Variants in CSMD1 observed in about 807,000 individuals in gnomAD.
CSMD1 encodes the protein CUB and Sushi multiple domains 1.
A neutral mutation model predicts 417.5 loss-of-function variants in CSMD1; 213 were observed. The ratio of observed to expected loss-of-function variants is 0.51; its 90% confidence interval spans 0.46 to 0.57. CSMD1 has a LOEUF of 0.57. Ranked by LOEUF, CSMD1 falls within the 20% of genes least tolerant of loss-of-function variation. The pLI, the probability that CSMD1 is intolerant of heterozygous loss-of-function variation, is 0.00. For missense variants in CSMD1, 6,923 were observed against 4,529.7 expected (o/e 1.53, Z -15.17); for synonymous variants, 2,862 against 1,736.8 (o/e 1.65, Z -16.11).
chr8:4,011,008 G>T (rs1816496591), intron 4 of CSMD1, among the ~76,000 whole-genome samples: 2 of 152,186 alleles, frequency 1.3e-5, no homozygotes, highest in African/African-American at 4.8e-5. Context: ...GGGGATGACT[G>T]TTTCATGCCT....
chr8:3,526,184 T>C (rs1235007296), intron 10 of CSMD1, among the ~76,000 whole-genome samples: 3 of 152,212 alleles, frequency 2.0e-5, no homozygotes, highest in Admixed American at 2.0e-4. Context: ...ATCATATTTC[T>C]GACATTTTCT....
At chr8:3,412,155 C>T (rs181403724) in intron 12 of CSMD1, among the ~76,000 whole-genome samples, 1,523 of 125,028 alleles carry the variant, frequency 0.012, 73 homozygotes, top group African/African-American at 0.048. Flanking sequence ...TATATACACA[C>T]GTATATATAC....
Position 3,729,937 on chromosome 8 carries a change from A to C in CSMD1, c.932-21446T>G, listed in dbSNP as rs1332573946. Among the ~76,000 whole-genome samples the C allele has an allele frequency of 1.3e-3, 33 of 24,698 alleles. 2 individuals carry two copies. The highest frequency in any genetic ancestry group is 0.026 in the Middle Eastern group (1 of 38). 16.2% of individuals were successfully genotyped at this position (24,698 alleles called of 152,430 possible). A position where few individuals can be genotyped will look rare whatever the true frequency, so the allele number is the denominator to read the frequency against. On this transcript the variant is annotated intron_variant, in intron 6 of 69. Transcript: ENST00000635120. Reference sequence around the variant, plus strand: ...CAATTCAAAGTAAAAAAAAAAAAAAAAAAAAAAAAAAAAAAAAAAAAAAAC... The same window carrying C: ...CAATTCAAAGTAAAAAAAAAAAAAACAAAAAAAAAAAAAAAAAAAAAAAAC...
At chr8:4,851,752 G>C (rs1040594085) in intron 1 of CSMD1, among the ~76,000 whole-genome samples, 1 of 152,138 alleles carries the variant, frequency 6.6e-6, no homozygotes, top group African/African-American at 2.4e-5. Flanking sequence ...CTTCTTCAAA[G>C]ACAGGTCTAT....
chr8:4,441,958 G>A (rs904161525), intron 2 of CSMD1, among the ~76,000 whole-genome samples: 2 of 152,110 alleles, frequency 1.3e-5, no homozygotes, highest in Admixed American at 6.6e-5. Context: ...AGAAACTCAG[G>A]GGCCAAATGT....
At chr8:4,592,850 A>C (rs1800060795) in intron 2 of CSMD1, among the ~76,000 whole-genome samples, 1 of 152,184 alleles carries the variant, frequency 6.6e-6, no homozygotes, top group Non-Finnish European at 1.5e-5. Context: ...TATTGAAATG[A>C]ATTTCCATAT....
chr8:3,882,142 G>C (rs929650967), intron 5 of CSMD1, among the ~76,000 whole-genome samples: 5 of 151,690 alleles, frequency 3.3e-5, no homozygotes, highest in Admixed American at 2.0e-4. Flanking sequence ...ATCACAATTG[G>C]CTCCTCCACC....
At chr8:3,497,688 C>G (rs1212978083) in intron 10 of CSMD1, among the ~76,000 whole-genome samples, 1 of 152,186 alleles carries the variant, frequency 6.6e-6, no homozygotes, top group Non-Finnish European at 1.5e-5. Context: ...TATGCCTTTA[C>G]AGGTGCAGTG....
chr8:3,759,681 G>C lies in CSMD1; in HGVS notation c.819-5639C>G, dbSNP rs1797880376. On this transcript the variant is annotated intron_variant, in intron 5 of 69. Transcript: ENST00000635120. ...GGCCAAGGTCAGCGGACCACCTGAG[G>C]TCAGGAGTTCGAGACCAGCCTGAGC... 2.0e-5 allele frequency among the ~76,000 whole-genome samples: 3 copies of C among 150,300 alleles called. No homozygotes were observed. The South Asian group carries it at 6.3e-4, about 32-fold the overall frequency.
intron 12 of CSMD1, among the ~76,000 whole-genome samples, chr8:3,449,426 C>T (rs975747455): frequency 1.3e-5 from 2 of 152,076 alleles, no homozygotes; most frequent in Admixed American, 1.3e-4. Flanking sequence ...TCCCACCATG[C>T]CTAAGGATGT....
At chr8:3,026,647 A>ACAGGGTGTTG (rs1809953878) in intron 51 of CSMD1, among the ~76,000 whole-genome samples, 1 of 152,206 alleles carries the variant, frequency 6.6e-6, no homozygotes, top group African/African-American at 2.4e-5. Flanking sequence ...CAACACCGTG[A>ACAGGGTGTTG]ACTCTGCCCT....
intron 26 of CSMD1, among the ~76,000 whole-genome samples, chr8:3,253,600 C>G (rs949902311): frequency 6.6e-6 from 1 of 152,136 alleles, no homozygotes; most frequent in Non-Finnish European, 1.5e-5. Context: ...CTTCCTGTCT[C>G]ATTGATCTGT....
chr8:4,482,934 G>T (rs1331833314), intron 2 of CSMD1, among the ~76,000 whole-genome samples: 1 of 152,068 alleles, frequency 6.6e-6, no homozygotes, highest in Non-Finnish European at 1.5e-5. Context: ...AGTAAGTATG[G>T]GAGGCGTAGG....
In CSMD1 at chr8:4,397,599, G is replaced by A. The variant is rs1487277028; in HGVS notation, c.415+22354C>T. Among the ~76,000 whole-genome samples, 7 of 133,416 alleles carry A rather than the reference G, an allele frequency of 5.2e-5. No individual in the cohort carries two copies. The Admixed American group carries it at 5.4e-4, about 10-fold the overall frequency. 87.5% of individuals were successfully genotyped at this position (133,416 alleles called of 152,430 possible). ...GCCCAGGCCACAGTGCAGCACCTGAGATTCACTTTTATTTGCTAATGAAAC... is the reference window on the plus strand; with the variant it reads ...GCCCAGGCCACAGTGCAGCACCTGAAATTCACTTTTATTTGCTAATGAAAC... On this transcript the variant is annotated intron_variant, in intron 3 of 69. Transcript: ENST00000635120.
rs540733659 is a variant in CSMD1 at position 4,552,191 on chromosome 8, G to A, written c.302+85151C>T. 4.4e-3 allele frequency among the ~76,000 whole-genome samples: 675 copies of A among 152,210 alleles called. 7 individuals carry two copies. The highest frequency in any genetic ancestry group is 7.4e-3 in the Non-Finnish European group (503 of 68,004). On this transcript the variant is annotated intron_variant, in intron 2 of 69. Coordinates refer to ENST00000635120, the MANE Select transcript of CSMD1 (RefSeq NM_033225.6). The stretch of plus-strand genomic sequence containing the variant: ...TTGTTTTTTAATCTTAAGATACAAA[G>A]CATGCTATTCTATGTAGCTTGGTCT...
chr8:4,085,352 A>C (rs1286435177), intron 3 of CSMD1, among the ~76,000 whole-genome samples: 1 of 152,182 alleles, frequency 6.6e-6, no homozygotes, highest in Non-Finnish European at 1.5e-5. Flanking sequence ...GCATCTCACA[A>C]CTCAAAGAAA....
At chr8:4,607,940 A>T (rs1031160247) in intron 2 of CSMD1, among the ~76,000 whole-genome samples, 1 of 152,138 alleles carries the variant, frequency 6.6e-6, no homozygotes, top group Non-Finnish European at 1.5e-5. Flanking sequence ...GGTCTCACTG[A>T]CATCTGGCGA....
At chr8:3,219,517 C>T in intron 28 of CSMD1, 75 bp from the exon 29 acceptor site, 3 of 1,064,548 alleles carry the variant, frequency 2.8e-6, no homozygotes, top group South Asian at 2.2e-5. Context: ...CCTTTGAGCT[C>T]AGAAAGTGAT....
At chr8:4,192,724 G>T (rs545022895) in intron 3 of CSMD1, among the ~76,000 whole-genome samples, 7 of 152,330 alleles carry the variant, frequency 4.6e-5, no homozygotes, top group African/African-American at 1.7e-4. Context: ...ATGAGGAATT[G>T]TCTATGTATT....
Sources: gnomAD v4.1 joint callset for allele counts (sites outside exome capture counted in the v4.1 genomes callset) on GRCh38, gnomAD v4.1.1 for gene constraint, MANE v1.5 for transcripts, NCBI Gene and HGNC (gene_info 2026-07-23, HGNC 2026-07-21) for gene names.